The following PLA2G4A variants were observed in gnomAD, a reference collection of about 807,000 sequenced individuals.
PLA2G4A encodes the protein phospholipase A2 group IVA.
In PLA2G4A, 40 loss-of-function variants were observed where a neutral mutation model predicts 81.9. The ratio of observed to expected loss-of-function variants is 0.49; its 90% CI spans 0.38 to 0.64. The LOEUF is 0.64. PLA2G4A is among the 30% of genes least tolerant of loss of function. The pLI, the probability that PLA2G4A is intolerant of heterozygous loss-of-function variation, is 0.00. For missense variants in PLA2G4A, 715 were observed against 905.1 expected, an observed-to-expected ratio of 0.79 and a Z score of 2.69; for synonymous variants, 302 against 296.9, an observed-to-expected ratio of 1.02 and a Z score of -0.18.
intron 15 of PLA2G4A, among the ~76,000 whole-genome samples, chr1:186,968,298 A>G (rs962647137): frequency 3.9e-5 from 6 of 152,020 alleles, no homozygotes; most frequent in Non-Finnish European, 8.8e-5. Context: ...TTAAGAATAG[A>G]TACTTGTAAA....
intron 7 of PLA2G4A, among the ~76,000 whole-genome samples, chr1:186,915,403 G>A (rs1176144798): frequency 1.3e-5 from 2 of 152,306 alleles, no homozygotes; most frequent in East Asian, 3.9e-4. Flanking sequence ...GGTTGATCAT[G>A]TAAATGGGGG....
At chr1:186,869,053 A>T (rs1008841935) in intron 2 of PLA2G4A, among the ~76,000 whole-genome samples, 2 of 144,536 alleles carry the variant, frequency 1.4e-5, no homozygotes, top group Non-Finnish European at 3.1e-5. Context: ...TCTAATTTTT[A>T]TTAGTTTTTG....
At chr1:186,876,211 T>G (rs1653490383) in intron 3 of PLA2G4A, among the ~76,000 whole-genome samples, 1 of 152,150 alleles carries the variant, frequency 6.6e-6, no homozygotes, top group African/African-American at 2.4e-5. Flanking sequence ...TGAAAGTTTT[T>G]TTAACGGTTT....
chr1:186,912,355 G>A (rs913094941), intron 7 of PLA2G4A, among the ~76,000 whole-genome samples: 4 of 151,996 alleles, frequency 2.6e-5, no homozygotes, highest in Non-Finnish European at 4.4e-5. Context: ...CACTGTTGGT[G>A]GTCTACATTT....
intron 2 of PLA2G4A, among the ~76,000 whole-genome samples, chr1:186,857,205 G>T (rs1652606166): frequency 6.4e-5 from 1 of 15,744 alleles, no homozygotes; most frequent in Admixed American, 5.9e-4. Context: ...AGAAGAAACT[G>T]AATGGCCAGT....
chr1:186,941,628 G>C (rs1294267245), intron 10 of PLA2G4A, among the ~76,000 whole-genome samples: 1 of 152,086 alleles, frequency 6.6e-6, no homozygotes, highest in Non-Finnish European at 1.5e-5. Context: ...AAAATCCTTT[G>C]TTCTTTTTAT....
chr1:186,913,944 A>G (rs1655051120), intron 7 of PLA2G4A, among the ~76,000 whole-genome samples: 1 of 152,154 alleles, frequency 6.6e-6, no homozygotes, highest in Admixed American at 6.5e-5. Flanking sequence ...TGCTATAGTG[A>G]CTTGTGTTGT....
chr1:186,941,279 T>G (rs1656145913), intron 10 of PLA2G4A, among the ~76,000 whole-genome samples: 1 of 152,142 alleles, frequency 6.6e-6, no homozygotes, highest in African/African-American at 2.4e-5. Flanking sequence ...AAAACCATCA[T>G]GAGTGGTGTG....
intron 15 of PLA2G4A, among the ~76,000 whole-genome samples, chr1:186,969,061 C>A (rs186626441): frequency 1.3e-5 from 2 of 151,824 alleles, no homozygotes; most frequent in Admixed American, 6.6e-5. Flanking sequence ...AATAAACATT[C>A]TTTTTATGTC....
At chr1:186,942,183 T>A (rs904949801) in intron 10 of PLA2G4A, among the ~76,000 whole-genome samples, 1 of 152,124 alleles carries the variant, frequency 6.6e-6, no homozygotes, top group African/African-American at 2.4e-5. Flanking sequence ...ATAATGGGGT[T>A]CATAGTAGAG....
rs1571324190 is a variant in PLA2G4A, at chr1:186,840,674, G to A, written c.-70+11639G>A. 3.3e-5 allele frequency among the ~76,000 whole-genome samples: 5 copies of A among 152,256 alleles called. No homozygotes were observed. In the South Asian group the frequency reaches 8.3e-4, roughly 25 times the overall value. On this transcript the variant is annotated intron_variant, in intron 1 of 17. Coordinates refer to ENST00000367466, the MANE Select transcript of PLA2G4A (RefSeq NM_024420.3). ...TTGCTTTCATTGAAAAGCAAAGCAAGCTATAAATGCTGATAATTTTATCCA... is the reference window on the plus strand; with the variant it reads ...TTGCTTTCATTGAAAAGCAAAGCAAACTATAAATGCTGATAATTTTATCCA...
At chr1:186,917,826 A>G (rs1655193241) in intron 7 of PLA2G4A, among the ~76,000 whole-genome samples, 1 of 152,246 alleles carries the variant, frequency 6.6e-6, no homozygotes, top group African/African-American at 2.4e-5. Context: ...GAGCTGCTCC[A>G]TAAGCTTGTA....
chr1:186,914,732 T>C (rs1655080110), intron 7 of PLA2G4A, among the ~76,000 whole-genome samples: 1 of 152,200 alleles, frequency 6.6e-6, no homozygotes, highest in Non-Finnish European at 1.5e-5. Flanking sequence ...GGTGCTGGGC[T>C]GTCTGCTTGT....
chr1:186,932,935 T>C lies in PLA2G4A; in HGVS notation c.695+36T>C, dbSNP rs768832017. ...ATTTTTAATTTTAGTTTTATAACTTTAAATATTTAGGATTTATCTAACTCA... is the reference window on the plus strand; with the variant it reads ...ATTTTTAATTTTAGTTTTATAACTTCAAATATTTAGGATTTATCTAACTCA... On this transcript the variant is annotated intron_variant, in intron 8 of 17. Coordinates refer to ENST00000367466, the MANE Select transcript of PLA2G4A (RefSeq NM_024420.3). 84 of 1,478,788 alleles carry C rather than the reference T, an allele frequency of 5.7e-5. No individual in the cohort carries two copies. The Admixed American group carries it at 1.2e-3, about 21-fold the overall frequency. 91.6% of individuals were successfully genotyped at this position (1,478,788 alleles called of 1,614,324 possible). A position where few individuals can be genotyped will look rare whatever the true frequency, so the allele number is the denominator to read the frequency against.
Position 186,988,530 on chromosome 1 carries a change from C to A in PLA2G4A, c.*22C>A. 2 of 1,605,838 alleles carry A rather than the reference C, an allele frequency of 1.2e-6. No homozygotes were observed. Among genetic ancestry groups the A allele is most frequent in the South Asian group, 1.1e-5 (1 of 90,728 alleles). On this transcript the variant is annotated 3_prime_UTR_variant, in exon 18 of 18. Coordinates refer to ENST00000367466, the MANE Select transcript of PLA2G4A (RefSeq NM_024420.3). ...ATAGTTCATGTACTGGAAATGGCAGCAGTTTCTGATGCTGAGGCAGTTTGC... is the reference window on the plus strand; with the variant it reads ...ATAGTTCATGTACTGGAAATGGCAGAAGTTTCTGATGCTGAGGCAGTTTGC...
chr1:186,939,999 G>A lies in PLA2G4A; in HGVS notation c.938G>A (p.Ser313Asn). ...GGACAGAGAATGAATACTACTCTGA[G>A]CAGTTTGAAGGAAAAAGTTAATACT... is the stretch of plus-strand genomic sequence containing the variant. ...LIHNRMNTTL[S>N]SLKEKVNTAQ... Residue 313 changes from serine to asparagine, a missense_variant, in exon 10 of 18, where the codon AGC (serine) becomes AAC (asparagine). Transcript: ENST00000367466. 6.4e-7 allele frequency: 1 copy of A among 1,557,824 alleles called. No homozygotes were observed. The highest frequency in any genetic ancestry group is 8.9e-7 in the Non-Finnish European group (1 of 1,128,836).
chr1:186,927,513 C>T (rs1020407321), intron 7 of PLA2G4A, among the ~76,000 whole-genome samples: 33 of 151,952 alleles, frequency 2.2e-4, no homozygotes, highest in Admixed American at 2.6e-4. Flanking sequence ...TACCATAACG[C>T]GGTTGGTTGG....
intron 9 of PLA2G4A, 23 bp downstream of exon 9, chr1:186,939,253 C>T (rs2307200): frequency 0.22 from 220,429 of 1,010,336 alleles, 31,372 homozygotes; most frequent in African/African-American, 0.59. Flanking sequence ...TCAATCTACA[C>T]TGCTTTTATA....
rs1409922296 is a variant in PLA2G4A, at chr1:186,988,471, T to G, written c.2213T>G (p.Phe738Cys). The change falls in exon 18 of 18, where the codon TTT becomes TGT. Residue 738 changes from phenylalanine to cysteine, a missense_variant. Phe to Cys is a radical substitution (Grantham distance 205, BLOSUM62 -2). Coordinates refer to ENST00000367466, the MANE Select transcript of PLA2G4A (RefSeq NM_024420.3). The stretch of plus-strand genomic sequence containing the variant: ...CTTAGTAATGTTGAGGCAAGAAGAT[T>G]TTTCAACAAGGAGTTTCTAAGTAAA... Reference protein sequence around the residue: ...VSLSNVEARRFFNKEFLSKPK... With the variant: ...VSLSNVEARRCFNKEFLSKPK... The G allele has an allele frequency of 6.2e-7, 1 of 1,612,530 alleles. No homozygotes were observed. The highest frequency in any genetic ancestry group is 8.5e-7 in the Non-Finnish European group (1 of 1,178,786).
Sources: gnomAD v4.1 joint callset for allele counts (sites outside exome capture counted in the v4.1 genomes callset) on GRCh38, gnomAD v4.1.1 for gene constraint, MANE v1.5 for transcripts, NCBI Gene and HGNC (gene_info 2026-07-23, HGNC 2026-07-21) for gene names.